The following MOCS3 variants were observed in gnomAD, a reference collection of about 807,000 sequenced individuals.
The protein encoded by MOCS3 is molybdenum cofactor synthesis 3, also known as adenylyltransferase and sulfurtransferase MOCS3.
Under a neutral mutation model 8.4 loss-of-function variants are expected in MOCS3, and 9 were observed. The ratio of observed to expected loss-of-function variants is 1.07; its 90% CI spans 0.65 to 1.87. The LOEUF (loss-of-function observed/expected upper bound fraction) is 1.87. MOCS3 is among the 40% of genes most tolerant of loss of function. MOCS3 has a pLI of 0.00. For missense variants in MOCS3, 581 were observed against 599.7 expected, an observed-to-expected ratio of 0.97 and a Z score of 0.33; for synonymous variants, 294 against 272.0, an observed-to-expected ratio of 1.08 and a Z score of -0.80.
Position 50,958,848 on chromosome 20 carries a change from T to C in MOCS3, c.6T>C (p.Ala2=), listed in dbSNP as rs140607868. The C allele has an allele frequency of 4.2e-5, 67 of 1,586,676 alleles. No individual in the cohort carries two copies. The highest frequency in any genetic ancestry group is 5.6e-5 in the Non-Finnish European group (65 of 1,161,338). M[A]SREEVLALQA... ...AACTTCCGGAAGAGGTCGCCATGGC[T>C]TCCCGGGAGGAGGTACTCGCCTTAC... The change falls in exon 1 of 1, where the codon GCT becomes GCC. Residue 2 remains alanine, a synonymous_variant. Coordinates refer to ENST00000244051, the MANE Select transcript of MOCS3 (RefSeq NM_014484.5).
Position 50,963,871 on chromosome 20 carries a change from C to T in MOCS3, c.*3646C>T, listed in dbSNP as rs1042638974. ...TCATGCCCTGTCAGGGCATAGAAAGCAATCTATGTCCTGACAATCACGGAA... is the reference window on the plus strand; with the variant it reads ...TCATGCCCTGTCAGGGCATAGAAAGTAATCTATGTCCTGACAATCACGGAA... On this transcript the variant is annotated 3_prime_UTR_variant, in exon 1 of 1. Transcript: ENST00000244051. 1 of 152,232 alleles carries T rather than the reference C, an allele frequency of 6.6e-6. No homozygotes were observed. The highest frequency in any genetic ancestry group is 1.5e-5 in the Non-Finnish European group (1 of 68,042). 9.4% of individuals were successfully genotyped at this position (152,232 alleles called of 1,614,324 possible).
chr20:50,959,218 G>A lies in MOCS3; in HGVS notation c.376G>A (p.Val126Met), dbSNP rs2123158901. The change falls in exon 1 of 1, where the codon GTG (valine) becomes ATG (methionine). Residue 126 changes from valine (V) to methionine (M), a missense_variant. Physicochemically the swap from Val to Met is conservative, Grantham distance 21 (BLOSUM62 1). Transcript: ENST00000244051. ...AGAGATGAGCAACCTGGCCCGCCAAGTGCTGCATGGCGAGGCACTGGCTGG... is the reference window on the plus strand; with the variant it reads ...AGAGATGAGCAACCTGGCCCGCCAAATGCTGCATGGCGAGGCACTGGCTGG... ...VVEMSNLARQ[V>M]LHGEALAGQA... is the part of the protein sequence containing the mutation. 6.2e-7 allele frequency: 1 copy of A among 1,611,454 alleles called. No homozygotes were observed. Among genetic ancestry groups the A allele is most frequent in the Non-Finnish European group, 8.5e-7 (1 of 1,179,172 alleles).
rs1379712271 is a variant in MOCS3, at chr20:50,962,886, T to C, written c.*2661T>C. The C allele has an allele frequency of 6.6e-6, 1 of 152,116 alleles. No individual in the cohort carries two copies. Among genetic ancestry groups the C allele is most frequent in the Non-Finnish European group, 1.5e-5 (1 of 68,060 alleles). The allele number at this position is 152,116 out of a possible 1,614,324, so 9.4% of individuals were successfully genotyped here. On this transcript the variant is annotated 3_prime_UTR_variant, in exon 1 of 1. Coordinates refer to ENST00000244051, the MANE Select transcript of MOCS3 (RefSeq NM_014484.5). The stretch of plus-strand genomic sequence containing the variant: ...TTGAAATTTGGTTTTCTCTGGGGAT[T>C]GTAGCTAGGTTTTTATGGTGAGATA...
Position 50,959,907 on chromosome 20 carries a change from C to G in MOCS3, c.1065C>G (p.Asp355Glu), listed in dbSNP as rs756468760. 6.2e-7 allele frequency: 1 copy of G among 1,614,232 alleles called. No individual in the cohort carries two copies. Among genetic ancestry groups the G allele is most frequent in the South Asian group, 1.1e-5 (1 of 91,090 alleles). ...LDSGAFHLLL[D>E]VRPQVEVDIC... ...CTGGGGCATTCCACCTGTTGCTGGA[C>G]GTCAGGCCTCAGGTGGAGGTGGACA... Residue 355 changes from aspartate (D) to glutamate (E), a missense_variant, in exon 1 of 1, where the codon GAC becomes GAG. Physicochemically the swap from Asp to Glu is conservative, Grantham distance 45. Transcript: ENST00000244051.
rs189289768 is a variant in MOCS3 at position 50,962,460 on chromosome 20, A to T, written c.*2235A>T. ...GAACTCATGATGTGGGATTTTCCCA[A>T]ATAGTGAAATATTTTTCAAAAGATG... On this transcript the variant is annotated 3_prime_UTR_variant, in exon 1 of 1. Transcript: ENST00000244051. The T allele has an allele frequency of 3.9e-5, 6 of 152,352 alleles. No homozygotes were observed. In the East Asian group the frequency reaches 1.2e-3, roughly 29 times the overall value. 9.4% of individuals were successfully genotyped at this position (152,352 alleles called of 1,614,324 possible).
chr20:50,959,648 C>G lies in MOCS3; in HGVS notation c.806C>G (p.Pro269Arg). Residue 269 changes from proline to arginine, a missense_variant, in exon 1 of 1, where the codon CCC becomes CGC. By Grantham distance (103) the Pro-to-Arg change is moderately radical. Coordinates refer to ENST00000244051, the MANE Select transcript of MOCS3 (RefSeq NM_014484.5). ...CTGAAAATCGCTGCGGGTCTGGGCC[C>G]CTCTTACAGTGGCAGCTTGTTGCTC... The part of the protein sequence containing the change: ...EVLKIAAGLG[P>R]SYSGSLLLFD... 1 of 1,614,234 alleles carries G rather than the reference C, an allele frequency of 6.2e-7. No homozygotes were observed. The highest frequency in any genetic ancestry group is 8.5e-7 in the Non-Finnish European group (1 of 1,180,040).
rs1486155016 is a variant in MOCS3 at position 50,960,436 on chromosome 20, T to A, written c.*211T>A. 4.0e-6 allele frequency: 2 copies of A among 504,726 alleles called. No individual in the cohort carries two copies. Among genetic ancestry groups the A allele is most frequent in the African/African-American group, 3.9e-5 (2 of 50,888 alleles). The allele number at this position is 504,726 out of a possible 1,614,324, so 31.3% of individuals were successfully genotyped here. On this transcript the variant is annotated 3_prime_UTR_variant, in exon 1 of 1. Coordinates refer to ENST00000244051, the MANE Select transcript of MOCS3 (RefSeq NM_014484.5). ...TATACCGTTTCTGAGAACCATCATT[T>A]TTTTTTTCAGCACACGGAGGATGTC...
rs970606147 is a variant in MOCS3, at chr20:50,963,608, T to A, written c.*3383T>A. 1.3e-5 allele frequency: 2 copies of A among 152,200 alleles called. No homozygotes were observed. Among genetic ancestry groups the A allele is most frequent in the African/African-American group, 4.8e-5 (2 of 41,450 alleles). The allele number at this position is 152,200 out of a possible 1,614,324, so 9.4% of individuals were successfully genotyped here. On this transcript the variant is annotated 3_prime_UTR_variant, in exon 1 of 1. Transcript: ENST00000244051. ...CCGTTCAAGAAACTGCAGAGGCAAG[T>A]TGGGTTGCAAACAATTAGGGAGAGT...
rs200006912 is a variant in MOCS3 at position 50,958,951 on chromosome 20, G to C, written c.109G>C (p.Glu37Gln). 15 of 1,610,928 alleles carry C rather than the reference G, an allele frequency of 9.3e-6. 1 individual carries two copies. Among genetic ancestry groups the C allele is most frequent in the South Asian group, 5.5e-5 (5 of 91,048 alleles). ...KLASALLAEQ[E>Q]PQPERLVPVS... ...GGCGTCGGCTCTTTTGGCTGAGCAG[G>C]AACCGCAGCCAGAACGGCTGGTTCC... The change falls in exon 1 of 1, where the codon GAA becomes CAA. Residue 37 changes from glutamate (E) to glutamine (Q), a missense_variant. Transcript: ENST00000244051.
In MOCS3 at chr20:50,959,361, T is replaced by G; in HGVS notation, c.519T>G (p.Tyr173Ter). ...CTGCCCTAGACCTGGTCCGCCGATA[T>G]GATGTGGTGGCTGACTGCTCGGACA... ...PATALDLVRR[Y>*]DVVADCSDNV... Residue 173 changes from tyrosine (Y) to a stop codon, truncating the protein, a stop_gained, in exon 1 of 1, where the codon TAT (tyrosine) becomes TAG (stop). Coordinates refer to ENST00000244051, the MANE Select transcript of MOCS3 (RefSeq NM_014484.5). LOFTEE classifies it low-confidence loss of function (END_TRUNC). 1 of 1,611,590 alleles carries G rather than the reference T, an allele frequency of 6.2e-7. No individual in the cohort carries two copies. Among genetic ancestry groups the G allele is most frequent in the African/African-American group, 1.3e-5 (1 of 75,006 alleles).
In MOCS3 at chr20:50,961,093, G is replaced by A. The variant is rs1157614296; in HGVS notation, c.*868G>A. 5 of 167,056 alleles carry A rather than the reference G, an allele frequency of 3.0e-5. No homozygotes were observed. Among genetic ancestry groups the A allele is most frequent in the Non-Finnish European group, 1.5e-5 (1 of 68,106 alleles). The allele number at this position is 167,056 out of a possible 1,614,324, so 10.3% of individuals were successfully genotyped here. A position where few individuals can be genotyped will look rare whatever the true frequency, so the allele number is the denominator to read the frequency against. ...AGGAAACCACCTTTGTAGTCTGTCA[G>A]TGTCTCTTATAAATTGCTACTGTTT... is the stretch of plus-strand genomic sequence containing the variant. On this transcript the variant is annotated 3_prime_UTR_variant, in exon 1 of 1. Transcript: ENST00000244051.
chr20:50,960,048 A>T lies in MOCS3; in HGVS notation c.1206A>T (p.Glu402Asp). The change falls in exon 1 of 1, where the codon GAA (glutamate) becomes GAT (aspartate). Residue 402 changes from glutamate (E) to aspartate (D), a missense_variant. By Grantham distance (45) the Glu-to-Asp change is conservative. Coordinates refer to ENST00000244051, the MANE Select transcript of MOCS3 (RefSeq NM_014484.5). Reference sequence around the variant, plus strand: ...GGGAAGAGAAGCAGGGCACACAAGAAGGGGCTGCTGTCCCCATTTATGTGA... The same window carrying T: ...GGGAAGAGAAGCAGGGCACACAAGATGGGGCTGCTGTCCCCATTTATGTGA... ...AIWEEKQGTQ[E>D]GAAVPIYVIC... 1 of 1,614,278 alleles carries T rather than the reference A, an allele frequency of 6.2e-7. No individual in the cohort carries two copies. Among genetic ancestry groups the T allele is most frequent in the African/African-American group, 1.3e-5 (1 of 75,078 alleles).
At position 50,958,831 on chromosome 20, in the gene MOCS3, G is replaced by GA; in HGVS notation, c.-10dup. 1 of 1,579,300 alleles carries GA rather than the reference G, an allele frequency of 6.3e-7. No individual in the cohort carries two copies. Among genetic ancestry groups the GA allele is most frequent in the Non-Finnish European group, 8.6e-7 (1 of 1,158,238 alleles). On this transcript the variant is annotated 5_prime_UTR_variant, in exon 1 of 1. Coordinates refer to ENST00000244051, the MANE Select transcript of MOCS3 (RefSeq NM_014484.5). The stretch of plus-strand genomic sequence containing the variant: ...GAAATGCCTTTCACGACAACTTCCG[G>GA]AAGAGGTCGCCATGGCTTCCCGGGA...
rs1369992995 is a variant in MOCS3 at position 50,961,603 on chromosome 20, C to T, written c.*1378C>T. The T allele has an allele frequency of 2.0e-5, 3 of 152,060 alleles. No individual in the cohort carries two copies. The highest frequency in any genetic ancestry group is 6.6e-5 in the Admixed American group (1 of 15,266). 9.4% of individuals were successfully genotyped at this position (152,060 alleles called of 1,614,324 possible). On this transcript the variant is annotated 3_prime_UTR_variant, in exon 1 of 1. Transcript: ENST00000244051. ...AAAGCTTAAATGTATCATAAGCCAG[C>T]AAAAACCCTTTGTAGACCAGATTTA...
chr20:50,959,516 G>C lies in MOCS3; in HGVS notation c.674G>C (p.Cys225Ser), dbSNP rs776242903. 2 of 1,614,086 alleles carry C rather than the reference G, an allele frequency of 1.2e-6. No homozygotes were observed. The highest frequency in any genetic ancestry group is 1.7e-6 in the Non-Finnish European group (2 of 1,180,038). ...YHYDGGPCYRCIFPQPPPAET... is the reference protein window; with the variant it reads ...YHYDGGPCYRSIFPQPPPAET... ...TATGACGGTGGCCCTTGCTATCGCT[G>C]CATATTCCCCCAACCACCCCCAGCG... Residue 225 changes from cysteine to serine, a missense_variant, in exon 1 of 1, where the codon TGC becomes TCC. Cys to Ser is a moderately radical substitution (Grantham distance 112). Transcript: ENST00000244051.
Position 50,960,021 on chromosome 20 carries a change from C to G in MOCS3, c.1179C>G (p.Ile393Met). The G allele has an allele frequency of 2.5e-6, 4 of 1,614,272 alleles. No individual in the cohort carries two copies. Among genetic ancestry groups the G allele is most frequent in the Non-Finnish European group, 3.4e-6 (4 of 1,180,050 alleles). ...GCCTGAAACTCTTAAAAGAAGCAAT[C>G]TGGGAAGAGAAGCAGGGCACACAAG... ...AESLKLLKEA[I>M]WEEKQGTQEG... is the part of the protein sequence containing the mutation. The change falls in exon 1 of 1, where the codon ATC becomes ATG. Residue 393 changes from isoleucine to methionine, a missense_variant. Transcript: ENST00000244051.
Position 50,958,916 on chromosome 20 carries a change from A to C in MOCS3, c.74A>C (p.Lys25Thr). 6.2e-7 allele frequency: 1 copy of C among 1,609,566 alleles called. No homozygotes were observed. Among genetic ancestry groups the C allele is most frequent in the Non-Finnish European group, 8.5e-7 (1 of 1,176,918 alleles). Residue 25 changes from lysine (K) to threonine (T), a missense_variant, in exon 1 of 1, where the codon AAG (lysine) becomes ACG (threonine). Transcript: ENST00000244051. ...CGTGAGGAGGAATTGAATTCGCTGA[A>C]GCAGAAGCTGGCGTCGGCTCTTTTG... ...AQREEELNSL[K>T]QKLASALLAE... is the part of the protein sequence containing the mutation.
chr20:50,959,742 C>G lies in MOCS3; in HGVS notation c.900C>G (p.Cys300Trp), dbSNP rs775496896. The change falls in exon 1 of 1, where the codon TGC (cysteine) becomes TGG (tryptophan). Residue 300 changes from cysteine (C) to tryptophan (W), a missense_variant. Physicochemically the swap from Cys to Trp is radical, Grantham distance 215. Transcript: ENST00000244051. Reference protein sequence around the residue: ...LRSRRLDCAACGERPTVTDLL... With the variant: ...LRSRRLDCAAWGERPTVTDLL... ...GCCGCAGGCTCGACTGTGCAGCTTGCGGGGAACGGCCCACTGTGACTGATC... is the reference window on the plus strand; with the variant it reads ...GCCGCAGGCTCGACTGTGCAGCTTGGGGGGAACGGCCCACTGTGACTGATC... The G allele has an allele frequency of 6.2e-7, 1 of 1,614,256 alleles. No homozygotes were observed. Among genetic ancestry groups the G allele is most frequent in the Non-Finnish European group, 8.5e-7 (1 of 1,180,040 alleles).
Position 50,963,832 on chromosome 20 carries a change from T to A in MOCS3, c.*3607T>A, listed in dbSNP as rs1380340067. Reference sequence around the variant, plus strand: ...CTGACTCTAAGCAAAACTTTGCCATTGCTTCATATGTGTTCATGCCCTGTC... The same window carrying A: ...CTGACTCTAAGCAAAACTTTGCCATAGCTTCATATGTGTTCATGCCCTGTC... On this transcript the variant is annotated 3_prime_UTR_variant, in exon 1 of 1. Transcript: ENST00000244051. 1 of 152,264 alleles carries A rather than the reference T, an allele frequency of 6.6e-6. No individual in the cohort carries two copies. The highest frequency in any genetic ancestry group is 6.5e-5 in the Admixed American group (1 of 15,292). 9.4% of individuals were successfully genotyped at this position (152,264 alleles called of 1,614,324 possible).
Sources: gnomAD v4.1 joint callset for allele counts on GRCh38, gnomAD v4.1.1 for gene constraint, MANE v1.5 for transcripts, NCBI Gene and HGNC (gene_info 2026-07-23, HGNC 2026-07-21) for gene names.